CSMD1: variants seen among roughly 807,000 people sequenced by gnomAD.
The protein encoded by CSMD1 is CUB and sushi domain-containing protein 1.
Under a neutral mutation model 417.5 loss-of-function variants are expected in CSMD1, and 213 were observed. That is an observed-to-expected ratio of 0.51 (90% CI 0.46 to 0.57). The LOEUF (loss-of-function observed/expected upper bound fraction) is 0.57, where lower values mean the gene tolerates loss of function less well. Ranked by LOEUF, CSMD1 falls within the 20% of genes least tolerant of loss-of-function variation. The pLI is 0.00. For synonymous variants in CSMD1, 2,862 were observed against 1,736.8 expected, an observed-to-expected ratio of 1.65 and a Z score of -16.11; for missense variants, 6,923 against 4,529.7, an observed-to-expected ratio of 1.53 and a Z score of -15.17.
intron 5 of CSMD1, among the ~76,000 whole-genome samples, chr8:3,968,004 T>TAAAAAAAAAAAAAAAAA (rs11330461): frequency 2.0e-5 from 2 of 98,888 alleles, no homozygotes; most frequent in African/African-American, 8.7e-5. Context: ...CGTCACTGCT[T>TAAAAAAAAAAAAAAAAA]AAAAAAAAAA....
At chr8:4,435,073 G>A (rs1323171679) in intron 2 of CSMD1, among the ~76,000 whole-genome samples, 1 of 152,056 alleles carries the variant, frequency 6.6e-6, no homozygotes, top group Non-Finnish European at 1.5e-5. Flanking sequence ...ATATATCGGT[G>A]TAATAAAAAT....
intron 40 of CSMD1, among the ~76,000 whole-genome samples, chr8:3,145,766 C>CAA (rs1400543145): frequency 6.6e-6 from 1 of 152,134 alleles, no homozygotes; most frequent in Non-Finnish European, 1.5e-5. Context: ...TCTATTGTCT[C>CAA]AGAGAGTACT....
intron 15 of CSMD1, among the ~76,000 whole-genome samples, chr8:3,403,784 T>C (rs1812181489): frequency 6.6e-6 from 1 of 152,230 alleles, no homozygotes; most frequent in Non-Finnish European, 1.5e-5. Context: ...CTATCATTAG[T>C]ATCATATCTT....
intron 5 of CSMD1, among the ~76,000 whole-genome samples, chr8:3,952,841 T>C (rs1811680816): frequency 6.6e-6 from 1 of 152,190 alleles, no homozygotes; most frequent in African/African-American, 2.4e-5. Flanking sequence ...GAAAGTTATT[T>C]TGAATGCAGT....
chr8:4,005,180 GATGCA>G lies in CSMD1; in HGVS notation c.611-7075_611-7071del, dbSNP rs1252458714. ...AAAGGGGATAAAAGACAACATATATGATGCAGTGCATACTGCACAGGTGGTGGGTG... is the reference window on the plus strand; with the variant it reads ...AAAGGGGATAAAAGACAACATATATGGTGCATACTGCACAGGTGGTGGGTG... On this transcript the variant is annotated intron_variant, in intron 4 of 69. Coordinates refer to ENST00000635120, the MANE Select transcript of CSMD1 (RefSeq NM_033225.6). Among the ~76,000 whole-genome samples the G allele has an allele frequency of 3.9e-5, 6 of 152,164 alleles. No individual in the cohort carries two copies. In the South Asian group the frequency reaches 1.0e-3, roughly 26 times the overall value.
rs530161907 is a variant in CSMD1 at position 4,406,072 on chromosome 8, G to T, written c.415+13881C>A. Among the ~76,000 whole-genome samples the T allele has an allele frequency of 2.6e-5, 4 of 152,246 alleles. No individual in the cohort carries two copies. The East Asian group carries it at 5.8e-4, about 22-fold the overall frequency. The stretch of plus-strand genomic sequence containing the variant: ...AACAATGCCAGCAACTTTATTTTTG[G>T]TCTATTAGTAAAATGACAGCACTAA... On this transcript the variant is annotated intron_variant, in intron 3 of 69. Transcript: ENST00000635120.
chr8:3,567,479 A>T (rs2116899998), intron 10 of CSMD1, among the ~76,000 whole-genome samples: 1 of 150,110 alleles, frequency 6.7e-6, no homozygotes, highest in Admixed American at 6.6e-5. Flanking sequence ...GTAAATAAAA[A>T]ACAACAAAAG....
At chr8:4,198,092 G>C (rs1799442132) in intron 3 of CSMD1, among the ~76,000 whole-genome samples, 1 of 152,234 alleles carries the variant, frequency 6.6e-6, no homozygotes, top group African/African-American at 2.4e-5. Flanking sequence ...AAGTCTGGGA[G>C]TCTGAGTTAA....
chr8:3,739,972 T>A (rs796955027), intron 6 of CSMD1, among the ~76,000 whole-genome samples: 1 of 152,224 alleles, frequency 6.6e-6, no homozygotes, highest in Admixed American at 6.5e-5. Context: ...TTCTCCTTCA[T>A]GATCCCTATC....
At position 4,303,420 on chromosome 8, in the gene CSMD1, C is replaced by CTTTTT. The variant is rs1563419612; in HGVS notation, c.415+116532_415+116533insAAAAA. 1.1e-3 allele frequency among the ~76,000 whole-genome samples: 101 copies of CTTTTT among 92,322 alleles called. 5 individuals are homozygous for CTTTTT. Among genetic ancestry groups the CTTTTT allele is most frequent in the South Asian group, 1.5e-3 (4 of 2,698 alleles). 60.6% of individuals were successfully genotyped at this position (92,322 alleles called of 152,430 possible). The stretch of plus-strand genomic sequence containing the variant: ...TCTCATTTATATATTGGGCAGGAAG[C>CTTTTT]TGTTTTTTTTTTTTTTTTTTTTTTT... On this transcript the variant is annotated intron_variant, in intron 3 of 69. Coordinates refer to ENST00000635120, the MANE Select transcript of CSMD1 (RefSeq NM_033225.6).
intron 3 of CSMD1, among the ~76,000 whole-genome samples, chr8:4,227,255 G>T (rs542832149): frequency 9.9e-5 from 15 of 152,276 alleles, no homozygotes; most frequent in African/African-American, 3.6e-4. Context: ...TTAGCAACAT[G>T]GACGAGCAAG....
intron 5 of CSMD1, among the ~76,000 whole-genome samples, chr8:3,916,258 A>C (rs749739074): frequency 2.6e-5 from 4 of 152,176 alleles, no homozygotes; most frequent in African/African-American, 4.8e-5. Flanking sequence ...TATATACAAC[A>C]GGAGCCCAGA....
chr8:4,861,865 G>A (rs1802155351), intron 1 of CSMD1, among the ~76,000 whole-genome samples: 1 of 152,202 alleles, frequency 6.6e-6, no homozygotes, highest in South Asian at 2.1e-4. Context: ...TAGTTCTCAA[G>A]AAGCAGAGGA....
At chr8:4,667,359 T>C (rs1428731989) in intron 1 of CSMD1, among the ~76,000 whole-genome samples, 6 of 152,134 alleles carry the variant, frequency 3.9e-5, no homozygotes, top group African/African-American at 1.4e-4. Context: ...TCTGCAAACA[T>C]TCGAGAGTGA....
At chr8:4,191,115 G>A (rs1799000373) in intron 3 of CSMD1, among the ~76,000 whole-genome samples, 1 of 151,472 alleles carries the variant, frequency 6.6e-6, no homozygotes, top group Non-Finnish European at 1.5e-5. Flanking sequence ...AATTCAACAA[G>A]GCCAGGCGAG....
chr8:3,764,761 T>C (rs1798183114), intron 5 of CSMD1, among the ~76,000 whole-genome samples: 1 of 90,772 alleles, frequency 1.1e-5, no homozygotes. Flanking sequence ...TTTTTTTTTA[T>C]TTTGAGAGAC....
intron 21 of CSMD1, among the ~76,000 whole-genome samples, chr8:3,349,903 TTTATATATATTTATATATTATA>T (rs1808289298): frequency 1.1e-5 from 1 of 91,916 alleles, no homozygotes; most frequent in African/African-American, 4.0e-5. Flanking sequence ...ATAATATATA[TTTATATATATTTATATATTATA>T]TTATATATAA....
chr8:4,367,793 T>C (rs1802170349), intron 3 of CSMD1, among the ~76,000 whole-genome samples: 1 of 152,164 alleles, frequency 6.6e-6, no homozygotes, highest in Non-Finnish European at 1.5e-5. Flanking sequence ...GTAAGTTATA[T>C]CCCTAGGTAT....
chr8:3,320,959 G>T (rs917005047), intron 23 of CSMD1, among the ~76,000 whole-genome samples: 1 of 152,152 alleles, frequency 6.6e-6, no homozygotes, highest in Non-Finnish European at 1.5e-5. Flanking sequence ...AATGGAGTAC[G>T]TAACCAACAT....
Sources: allele counts gnomAD v4.1 joint callset (sites outside exome capture counted in the v4.1 genomes callset), GRCh38; gene constraint gnomAD v4.1.1; transcripts MANE v1.5; gene names NCBI Gene and HGNC (gene_info 2026-07-23, HGNC 2026-07-21).